The following EFHC2 variants were observed in gnomAD, a reference collection of about 807,000 sequenced individuals.
The protein encoded by EFHC2 is EF-hand domain-containing family member C2.
EFHC2 carries 18 observed loss-of-function variants against 52.7 expected under a neutral mutation model. The ratio of observed to expected loss-of-function variants is 0.34; its 90% CI spans 0.24 to 0.51. The LOEUF is 0.51. Ranked by LOEUF, EFHC2 falls within the 20% of genes least tolerant of loss-of-function variation. The probability of loss-of-function intolerance (pLI) is 0.97; values close to 1 mark genes in which losing one functional copy is unlikely to be tolerated. For synonymous variants in EFHC2, 203 were observed against 204.1 expected (o/e 0.99, Z 0.04); for missense variants, 513 against 562.5 (o/e 0.91, Z 0.89).
chrX:44,244,985 T>C (rs2037388247), intron 7 of EFHC2, among the ~76,000 whole-genome samples: 3 of 111,944 alleles, frequency 2.7e-5, no homozygotes, highest in Non-Finnish European at 5.6e-5. Context: ...AATTCGTGAA[T>C]CACATTATGT....
chrX:44,340,426 C>T (rs373507073), intron 1 of EFHC2, among the ~76,000 whole-genome samples: 9 of 109,751 alleles, frequency 8.2e-5, no homozygotes, highest in Admixed American at 3.9e-4. Flanking sequence ...CTGAGGCGGG[C>T]GGATCGCCTG....
chrX:44,189,435 T>C (rs1182919910), intron 11 of EFHC2, among the ~76,000 whole-genome samples: 1 of 112,268 alleles, frequency 8.9e-6, no homozygotes, highest in African/African-American at 3.2e-5. Context: ...GATTAGAATA[T>C]AGTGAAAACA....
At chrX:44,150,004 T>C (rs761047557) in intron 14 of EFHC2, among the ~76,000 whole-genome samples, 2 of 112,131 alleles carry the variant, frequency 1.8e-5, no homozygotes, top group East Asian at 2.8e-4. Flanking sequence ...AATACGTGTA[T>C]ATACACACAC....
intron 4 of EFHC2, 46 bp downstream of exon 4, chrX:44,261,029 G>C: frequency 9.0e-7 from 1 of 1,109,574 alleles, no homozygotes; most frequent in Non-Finnish European, 1.2e-6. Flanking sequence ...TTTCCAAAGG[G>C]ATTTTTATTT....
intron 9 of EFHC2, among the ~76,000 whole-genome samples, chrX:44,233,140 GT>G (rs2037292908): frequency 8.9e-6 from 1 of 112,235 alleles, no homozygotes; most frequent in Admixed American, 9.4e-5. Flanking sequence ...TACTGGGAGT[GT>G]GGAACATCAG....
At chrX:44,256,982 G>A (rs183996710) in intron 4 of EFHC2, among the ~76,000 whole-genome samples, 103 of 110,900 alleles carry the variant, frequency 9.3e-4, no homozygotes, top group African/African-American at 3.3e-3. Context: ...TGGGATGCAA[G>A]GCTGGTTCAA....
chrX:44,320,389 G>A (rs772455250), intron 1 of EFHC2, among the ~76,000 whole-genome samples: 1 of 112,152 alleles, frequency 8.9e-6, no homozygotes, highest in Non-Finnish European at 1.9e-5. Flanking sequence ...AAGGCACTGG[G>A]ATTAACTGGC....
chrX:44,253,884 G>C (rs756725268), intron 4 of EFHC2, among the ~76,000 whole-genome samples: 1 of 112,415 alleles, frequency 8.9e-6, no homozygotes, highest in East Asian at 2.8e-4. Flanking sequence ...CTGGCATCTG[G>C]AGGGTGCCCC....
rs769800717 is a variant in EFHC2, at chrX:44,178,265, CAT to C, written c.1949+100_1949+101del. 7.7e-5 allele frequency: 58 copies of C among 756,522 alleles called. No individual in the cohort carries two copies. The East Asian group carries it at 1.7e-3, about 22-fold the overall frequency. 62.3% of individuals were successfully genotyped at this position (756,522 alleles called of 1,213,427 possible). On this transcript the variant is annotated intron_variant, in intron 12 of 14. Coordinates refer to ENST00000420999, the MANE Select transcript of EFHC2 (RefSeq NM_025184.4). ...ATAGTAGAGTATGAGTATGATGACA[CAT>C]GTCTATTTTCTTTTTGCACTTTTTG...
intron 11 of EFHC2, among the ~76,000 whole-genome samples, chrX:44,198,591 T>C (rs1260963390): frequency 9.0e-6 from 1 of 111,373 alleles, no homozygotes; most frequent in Non-Finnish European, 1.9e-5. Flanking sequence ...TGGCTGAGCT[T>C]GTGAAAACAG....
At chrX:44,314,311 A>G (rs1032332407) in intron 1 of EFHC2, among the ~76,000 whole-genome samples, 1 of 112,470 alleles carries the variant, frequency 8.9e-6, no homozygotes, top group Non-Finnish European at 1.9e-5. Context: ...AGGACTGTAT[A>G]TAGCCAGGGC....
intron 1 of EFHC2, among the ~76,000 whole-genome samples, chrX:44,314,750 G>A (rs1282134791): frequency 1.8e-5 from 2 of 111,609 alleles, no homozygotes; most frequent in Admixed American, 1.9e-4. Flanking sequence ...ATTCAATAAT[G>A]ATATACTGTC....
At chrX:44,166,326 G>A (rs2036696234) in intron 13 of EFHC2, among the ~76,000 whole-genome samples, 1 of 111,336 alleles carries the variant, frequency 9.0e-6, no homozygotes, top group African/African-American at 3.3e-5. Flanking sequence ...TTATGTAAGA[G>A]AGAGAGGGAA....
intron 11 of EFHC2, among the ~76,000 whole-genome samples, chrX:44,218,426 C>A (rs192114290): frequency 4.5e-4 from 50 of 111,197 alleles, no homozygotes; most frequent in African/African-American, 1.6e-3. Flanking sequence ...TATGAAAACT[C>A]TTCCATTTCA....
chrX:44,246,667 C>G (rs1407310765), intron 7 of EFHC2, among the ~76,000 whole-genome samples: 3 of 111,188 alleles, frequency 2.7e-5, no homozygotes, highest in African/African-American at 9.8e-5. Flanking sequence ...CCAGGGAATT[C>G]ACACTGCCTC....
intron 13 of EFHC2, among the ~76,000 whole-genome samples, chrX:44,174,698 C>T (rs1267919068): frequency 1.9e-5 from 2 of 105,802 alleles, no homozygotes; most frequent in Non-Finnish European, 3.9e-5. Flanking sequence ...ATATGCTAAA[C>T]GGCCCATGTG....
At chrX:44,326,191 G>T (rs1014678469) in intron 1 of EFHC2, among the ~76,000 whole-genome samples, 1 of 110,483 alleles carries the variant, frequency 9.1e-6, no homozygotes, top group Non-Finnish European at 1.9e-5. Flanking sequence ...ACCATGTCTG[G>T]CCACATTAAA....
intron 14 of EFHC2, among the ~76,000 whole-genome samples, chrX:44,150,311 G>A (rs1185683819): frequency 9.0e-6 from 1 of 111,650 alleles, no homozygotes; most frequent in African/African-American, 3.3e-5. Flanking sequence ...AGAGGGTTTA[G>A]GGTTGTGAAG....
intron 2 of EFHC2, among the ~76,000 whole-genome samples, chrX:44,282,145 G>A (rs1314484641): frequency 9.1e-6 from 1 of 110,407 alleles, no homozygotes; most frequent in Non-Finnish European, 1.9e-5. Context: ...AAAAAAAAAG[G>A]TAGAATAAGG....
Sources: allele counts gnomAD v4.1 joint callset (sites outside exome capture counted in the v4.1 genomes callset), GRCh38; gene constraint gnomAD v4.1.1; transcripts MANE v1.5; gene names NCBI Gene and HGNC (gene_info 2026-07-23, HGNC 2026-07-21).